TOP2A: variants seen among roughly 807,000 people sequenced by gnomAD.
TOP2A encodes the protein DNA topoisomerase II alpha.
In TOP2A, 68 loss-of-function variants were observed where a neutral mutation model predicts 187.2. The observed-to-expected ratio is 0.36, with a 90% CI of 0.30 to 0.44. The LOEUF (loss-of-function observed/expected upper bound fraction) is 0.44, where lower values mean the gene tolerates loss of function less well. TOP2A is among the 20% of genes least tolerant of loss of function. The pLI, the probability that TOP2A is intolerant of heterozygous loss-of-function variation, is 1.00. For synonymous variants in TOP2A, 542 were observed against 593.2 expected, an observed-to-expected ratio of 0.91 and a Z score of 1.25; for missense variants, 1,196 against 1,808.7, an observed-to-expected ratio of 0.66 and a Z score of 6.14.
At chr17:40,414,502 T>C (rs533916017) in intron 4 of TOP2A, among the ~76,000 whole-genome samples, 60 of 152,210 alleles carry the variant, frequency 3.9e-4, no homozygotes, top group African/African-American at 1.4e-3. Context: ...ATGCCTATTA[T>C]ACCCCTTTCA....
rs1040706967 is a variant in TOP2A, at chr17:40,392,332, T to C, written c.3974A>G (p.Lys1325Arg). The C allele has an allele frequency of 6.3e-7, 1 of 1,587,262 alleles. No homozygotes were observed. Among genetic ancestry groups the C allele is most frequent in the African/African-American group, 1.3e-5 (1 of 74,482 alleles). Reference protein sequence around the residue: ...TEPRRAATKTKFTMDLDSDED... With the variant: ...TEPRRAATKTRFTMDLDSDED... ...ATCTGAATCCAAATCCATTGTGAAT[T>C]TTGTTTTTGCTAGTAAAAAAACCAT... The change falls in exon 31 of 35, where the codon AAA becomes AGA. Residue 1325 changes from lysine to arginine, a missense_variant. Lys to Arg is a conservative substitution (Grantham distance 26). Around this residue, in one of 10 missense-constraint regions of TOP2A, gnomAD observed 374 missense variants for 403.3 expected, o/e 0.93. Transcript: ENST00000423485.
Position 40,398,543 on chromosome 17 carries a change from T to G in TOP2A, c.3537+15A>C. ...ATTAATAAAAATTCTAACATGGGCA[T>G]TATAAACTACATACCTCCAATTCTT... On this transcript the variant is annotated intron_variant, in intron 27 of 34. Transcript: ENST00000423485. The G allele has an allele frequency of 1.3e-6, 2 of 1,554,370 alleles. No homozygotes were observed. The highest frequency in any genetic ancestry group is 1.7e-6 in the Non-Finnish European group (2 of 1,147,638).
chr17:40,411,562 CA>C lies in TOP2A; in HGVS notation c.963+82del. ...CTTTATACTAAGCTAGCCCAATATT[CA>C]AGTCCACTTTATATATTAAAAACAA... On this transcript the variant is annotated intron_variant, in intron 8 of 34. Coordinates refer to ENST00000423485, the MANE Select transcript of TOP2A (RefSeq NM_001067.4). The surrounding 1 kb of genome is among the most constrained non-coding windows in gnomAD (Gnocchi z 4.4). The C allele has an allele frequency of 6.5e-7, 1 of 1,547,536 alleles. No homozygotes were observed. Among genetic ancestry groups the C allele is most frequent in the South Asian group, 1.1e-5 (1 of 88,748 alleles).
chr17:40,396,530 C>A, intron 27 of TOP2A, 65 bp from the exon 28 acceptor site: 1 of 1,556,662 alleles, frequency 6.4e-7, no homozygotes, highest in South Asian at 1.2e-5. Context: ...TCTAAACACC[C>A]AACAGTTAAA....
Position 40,396,276 on chromosome 17 carries a change from G to C in TOP2A, c.3720+7C>G. On this transcript the variant is annotated splice_region_variant and intron_variant, in intron 28 of 34. Coordinates refer to ENST00000423485, the MANE Select transcript of TOP2A (RefSeq NM_001067.4). ...ATTATAGGTGTGAGCCACCACAAGA[G>C]TATTACCTTAATTTTCTTTTTATTT... The C allele has an allele frequency of 2.7e-6, 4 of 1,488,808 alleles. No homozygotes were observed. The highest frequency in any genetic ancestry group is 1.4e-5 in the African/African-American group (1 of 72,176). 92.2% of individuals were successfully genotyped at this position (1,488,808 alleles called of 1,614,324 possible).
At chr17:40,417,289 T>C (rs2035403126) in intron 1 of TOP2A, among the ~76,000 whole-genome samples, 1 of 152,270 alleles carries the variant, frequency 6.6e-6, no homozygotes, top group South Asian at 2.1e-4. Context: ...AGCAGCAGTT[T>C]GGGCGGCTAT....
In TOP2A at chr17:40,400,992, T is replaced by C. The variant is rs757484427; in HGVS notation, c.2522A>G (p.Tyr841Cys). The C allele has an allele frequency of 6.2e-7, 1 of 1,614,000 alleles. No homozygotes were observed. Among genetic ancestry groups the C allele is most frequent in the Admixed American group, 1.7e-5 (1 of 60,020 alleles). ...CAGCACCATGGGAATAATAGGAATG[T>C]ACCATTCAGGCTCAACACGCTGGTT... ...DDNQRVEPEWYIPIIPMVLIN... is the reference protein window; with the variant it reads ...DDNQRVEPEWCIPIIPMVLIN... The change falls in exon 21 of 35, where the codon TAC (tyrosine) becomes TGC (cysteine). Residue 841 changes from tyrosine to cysteine, a missense_variant. Coordinates refer to ENST00000423485, the MANE Select transcript of TOP2A (RefSeq NM_001067.4).
At position 40,401,074 on chromosome 17, in the gene TOP2A, C is replaced by T; in HGVS notation, c.2440G>A (p.Ala814Thr). ...RYIFTMLSSLARLLFPPKDDH... is the reference protein window; with the variant it reads ...RYIFTMLSSLTRLLFPPKDDH... The stretch of plus-strand genomic sequence containing the variant: ...TCTTTTGGTGGAAATAACAATCGAG[C>T]CAAAGAGCTAAAGAAAAGAAACAAA... The change falls in exon 21 of 35, where the codon GCT becomes ACT. Residue 814 changes from alanine (A) to threonine (T), a missense_variant. Transcript: ENST00000423485. 1 of 1,611,232 alleles carries T rather than the reference C, an allele frequency of 6.2e-7. No homozygotes were observed. Among genetic ancestry groups the T allele is most frequent in the Non-Finnish European group, 8.5e-7 (1 of 1,178,692 alleles).
At chr17:40,395,385 G>A (rs1195818202) in intron 29 of TOP2A, 64 bp downstream of exon 29, 1 of 1,002,688 alleles carries the variant, frequency 1.0e-6, no homozygotes. Flanking sequence ...TATGTGGAAT[G>A]TACTAGGTAA....
intron 21 of TOP2A, 27 bp from the exon 22 acceptor site, chr17:40,400,690 T>C (rs768345250): frequency 1.3e-6 from 2 of 1,582,238 alleles, no homozygotes; most frequent in South Asian, 1.2e-5. Context: ...AAAAACAGTA[T>C]GTTTTCTAAA....
chr17:40,391,574 G>T lies in TOP2A; in HGVS notation c.4199C>A (p.Pro1400Gln). 1.9e-6 allele frequency: 3 copies of T among 1,612,888 alleles called. No individual in the cohort carries two copies. Among genetic ancestry groups the T allele is most frequent in the Non-Finnish European group, 2.5e-6 (3 of 1,179,382 alleles). ...LSSSPPATHF[P>Q]DETEITNPVP... ...TGGGTTTGTAATTTCAGTTTCATCT[G>T]GGAAATGTGTAGCAGGAGGGCTTGA... Residue 1400 changes from proline to glutamine, a missense_variant, in exon 33 of 35, where the codon CCA becomes CAA. Transcript: ENST00000423485.
chr17:40,398,936 A>G lies in TOP2A; in HGVS notation c.3290T>C (p.Val1097Ala), dbSNP rs61732514. 7,315 of 1,607,438 alleles carry G rather than the reference A, an allele frequency of 4.6e-3. 32 individuals are homozygous for G. The highest frequency in any genetic ancestry group is 5.0e-3 in the Non-Finnish European group (5,895 of 1,176,716). ...CTCTTCATTTTCTTCTTCATCTGGA[A>G]CCTAAAGGATTAATTAAAATCTAGC... ...VKAWKEAQQK[V>A]PDEEENEESD... The change falls in exon 26 of 35, where the codon GTT becomes GCT. Residue 1097 changes from valine to alanine, a missense_variant and splice_region_variant. Val to Ala is a moderately conservative substitution (Grantham distance 64). This residue lies in a region of TOP2A where 232 missense variants were observed against 306.1 expected (regional missense o/e 0.76). Transcript: ENST00000423485.
In TOP2A at chr17:40,401,092, GAAAC is replaced by G. The variant is rs2035174892; in HGVS notation, c.2433-15_2433-12del. 6.2e-7 allele frequency: 1 copy of G among 1,602,586 alleles called. No homozygotes were observed. The highest frequency in any genetic ancestry group is 1.3e-5 in the African/African-American group (1 of 74,532). On this transcript the variant is annotated splice_polypyrimidine_tract_variant and intron_variant, in intron 20 of 34. Coordinates refer to ENST00000423485, the MANE Select transcript of TOP2A (RefSeq NM_001067.4). ...AATCGAGCCAAAGAGCTAAAGAAAAGAAACAAAGAATGTTATTTTACAAAAATAC... is the reference window on the plus strand; with the variant it reads ...AATCGAGCCAAAGAGCTAAAGAAAAGAAAGAATGTTATTTTACAAAAATAC...
In TOP2A at chr17:40,400,952, T is replaced by C; in HGVS notation, c.2562A>G (p.Glu854=). Residue 854 remains glutamate, a synonymous_variant, in exon 21 of 35, where the codon GAA becomes GAG. Transcript: ENST00000423485. ...TGCAGGACCACCCAGTACCGATTCC[T>C]TCAGCACCATTTATCAGCACCATGG... ...IIPMVLINGA[E]GIGTGWSCKI... is the part of the protein sequence containing the mutation. 1.9e-6 allele frequency: 3 copies of C among 1,613,980 alleles called. No homozygotes were observed. The highest frequency in any genetic ancestry group is 2.5e-6 in the Non-Finnish European group (3 of 1,179,888).
Position 40,399,046 on chromosome 17 carries a change from C to T in TOP2A, c.3282G>A (p.Gln1094=). The change falls in exon 25 of 35, where the codon CAG becomes CAA. Residue 1094 remains glutamine (Q), a synonymous_variant. Transcript: ENST00000423485. ...SDPVKAWKEA[Q]QKVPDEEENE... is the part of the protein sequence containing the mutation. ...AAGTGCCACCCAAGATTACCTTTTG[C>T]TGGGCTTCTTTCCAGGCCTTCACAG... is the stretch of plus-strand genomic sequence containing the variant. 2.5e-6 allele frequency: 4 copies of T among 1,591,838 alleles called. No homozygotes were observed. The highest frequency in any genetic ancestry group is 3.4e-6 in the Non-Finnish European group (4 of 1,167,452).
chr17:40,417,493 C>A, intron 1 of TOP2A: 1 of 1,367,192 alleles, frequency 7.3e-7, no homozygotes, highest in South Asian at 1.6e-5. Context: ...CGCACCCGGG[C>A]CGCTGTAACA....
At chr17:40,396,133 C>G (rs926469486) in intron 28 of TOP2A, 150 bp downstream of exon 28, 1 of 502,178 alleles carries the variant, frequency 2.0e-6, no homozygotes, top group East Asian at 3.3e-5. Flanking sequence ...GCGCCTGCCA[C>G]CATGCCCGCC....
Position 40,413,207 on chromosome 17 carries a change from T to C in TOP2A, c.564A>G (p.Lys188=), listed in dbSNP as rs1389492453. 1 of 1,558,590 alleles carries C rather than the reference T, an allele frequency of 6.4e-7. No individual in the cohort carries two copies. The highest frequency in any genetic ancestry group is 1.9e-5 in the Admixed American group (1 of 52,054). Residue 188 remains lysine, a synonymous_variant, in exon 6 of 35, where the codon AAA becomes AAG. Transcript: ENST00000423485. ...TVETASREYK[K]MFKQTWMDNM... is the part of the protein sequence containing the mutation. The stretch of plus-strand genomic sequence containing the variant: ...CTTATTTACTTGCCTGTTTGAACAT[T>C]TTCTTGTATTCTCTACTGGCTGTTT...
chr17:40,411,879 G>T lies in TOP2A; in HGVS notation c.790-61C>A, dbSNP rs17680507. 0.021 allele frequency: 27,674 copies of T among 1,349,932 alleles called. 311 individuals are homozygous for T. The highest frequency in any genetic ancestry group is 0.024 in the Non-Finnish European group (24,079 of 999,694). 83.6% of individuals were successfully genotyped at this position (1,349,932 alleles called of 1,614,324 possible). A position where few individuals can be genotyped will look rare whatever the true frequency, so the allele number is the denominator to read the frequency against. On this transcript the variant is annotated intron_variant, in intron 7 of 34. Coordinates refer to ENST00000423485, the MANE Select transcript of TOP2A (RefSeq NM_001067.4). This position sits in a 1 kb window ranked among gnomAD's most constrained non-coding sequence, Gnocchi z 4.4. ...TTATTAAAAAATAGGTTCAATGATA[G>T]ACTATGAGGACTTTCCAAAACCAAT...
Sources: gnomAD v4.1 joint callset for allele counts (sites outside exome capture counted in the v4.1 genomes callset) on GRCh38, gnomAD v4.1.1 for gene constraint, gnomAD v4.1.1 regional missense constraint, Gnocchi (gnomAD v3.1) non-coding constraint, MANE v1.5 for transcripts, NCBI Gene and HGNC (gene_info 2026-07-23, HGNC 2026-07-21) for gene names.